The following EPHA4 variants were observed in gnomAD, a reference collection of about 807,000 sequenced individuals.
EPHA4 encodes EPH receptor A4.
EPHA4 carries 19 observed loss-of-function variants against 108.3 expected under a neutral mutation model. The ratio of observed to expected loss-of-function variants is 0.18; its 90% CI spans 0.12 to 0.26. The LOEUF (loss-of-function observed/expected upper bound fraction) is 0.26, where lower values mean the gene tolerates loss of function less well. Among genes scored for constraint, EPHA4 ranks in the 10% least tolerant of loss-of-function variants. EPHA4 has a pLI of 1.00. For missense variants in EPHA4, 917 were observed against 1,254.0 expected (o/e 0.73, Z 4.06); for synonymous variants, 449 against 455.5 (o/e 0.99, Z 0.18).
intron 1 of EPHA4, among the ~76,000 whole-genome samples, chr2:221,570,442 C>G (rs1476315122): frequency 1.3e-5 from 2 of 152,136 alleles, no homozygotes; most frequent in Non-Finnish European, 1.5e-5. Context: ...GCGGGATCCA[C>G]GATTCCTCTC....
chr2:221,456,430 C>T (rs1363645492), intron 7 of EPHA4, among the ~76,000 whole-genome samples, 183 bp downstream of exon 7: 1 of 152,276 alleles, frequency 6.6e-6, no homozygotes, highest in African/African-American at 2.4e-5. Flanking sequence ...ATGCTTTTCT[C>T]TAAATCACAT....
chr2:221,553,088 T>C (rs1694207380), intron 3 of EPHA4, among the ~76,000 whole-genome samples: 1 of 152,210 alleles, frequency 6.6e-6, no homozygotes, highest in Non-Finnish European at 1.5e-5. Flanking sequence ...AAAAGTATCT[T>C]TGTTTACTGC....
rs115093416 is a variant in EPHA4 at position 221,534,592 on chromosome 2, A to C, written c.823+29139T>G. 3.5e-3 allele frequency among the ~76,000 whole-genome samples: 538 copies of C among 152,318 alleles called. 3 individuals are homozygous for C. The highest frequency in any genetic ancestry group is 0.012 in the African/African-American group (514 of 41,570). ...ACCTTTTAGAAGAAAGAGAATAAGC[A>C]ACTTCCAGGCTGTGACTATCCCTGG... On this transcript the variant is annotated intron_variant, in intron 3 of 17. Transcript: ENST00000281821.
At chr2:221,564,681 C>G (rs1025762933) in intron 2 of EPHA4, among the ~76,000 whole-genome samples, 1 of 151,734 alleles carries the variant, frequency 6.6e-6, no homozygotes, top group Non-Finnish European at 1.5e-5. Flanking sequence ...GGTGGTCCAA[C>G]AACCTCAAAT....
intron 3 of EPHA4, among the ~76,000 whole-genome samples, chr2:221,531,063 C>T (rs1435121507): frequency 2.6e-5 from 4 of 152,108 alleles, no homozygotes; most frequent in Non-Finnish European, 4.4e-5. Flanking sequence ...AATCAGACTA[C>T]GGCTGCTTTA....
At chr2:221,546,827 G>T (rs1694011556) in intron 3 of EPHA4, among the ~76,000 whole-genome samples, 2 of 152,198 alleles carry the variant, frequency 1.3e-5, no homozygotes, top group African/African-American at 4.8e-5. Flanking sequence ...TGTTTCATAT[G>T]TGAAATACTT....
chr2:221,440,730 C>T (rs1368413304), intron 11 of EPHA4, among the ~76,000 whole-genome samples: 1 of 151,984 alleles, frequency 6.6e-6, no homozygotes, highest in Non-Finnish European at 1.5e-5. Context: ...GTGGTAACCA[C>T]TCTAAGTATT....
intron 15 of EPHA4, among the ~76,000 whole-genome samples, chr2:221,429,096 G>A (rs1689996995): frequency 6.6e-6 from 1 of 152,144 alleles, no homozygotes; most frequent in African/African-American, 2.4e-5. Context: ...TTGGAGATGA[G>A]TGAGTGTCTC....
At chr2:221,449,360 C>T (rs1410188624) in intron 8 of EPHA4, among the ~76,000 whole-genome samples, 1 of 152,174 alleles carries the variant, frequency 6.6e-6, no homozygotes, top group African/African-American at 2.4e-5. Context: ...TGAAGAAGTC[C>T]TAACTCAAAA....
At chr2:221,469,424 A>G (rs182044437) in intron 5 of EPHA4, among the ~76,000 whole-genome samples, 1 of 152,216 alleles carries the variant, frequency 6.6e-6, no homozygotes, top group African/African-American at 2.4e-5. Context: ...ATATGACCTC[A>G]GAGGAAACCA....
intron 5 of EPHA4, among the ~76,000 whole-genome samples, chr2:221,467,222 T>C (rs1329039913): frequency 2.0e-5 from 3 of 152,250 alleles, no homozygotes; most frequent in Non-Finnish European, 4.4e-5. Flanking sequence ...TCTGGAAGAC[T>C]GGCAATGTTC....
intron 3 of EPHA4, among the ~76,000 whole-genome samples, chr2:221,514,812 T>C (rs1158538655): frequency 1.3e-5 from 2 of 152,158 alleles, no homozygotes; most frequent in African/African-American, 2.4e-5. Flanking sequence ...GCTCCCAAAG[T>C]GTTTGGTCAT....
intron 17 of EPHA4, among the ~76,000 whole-genome samples, chr2:221,421,681 T>C (rs1416483430): frequency 6.6e-6 from 1 of 152,228 alleles, no homozygotes; most frequent in Non-Finnish European, 1.5e-5. Flanking sequence ...TTCCCTTCTT[T>C]CATTTATAAC....
At chr2:221,478,627 T>C (rs2106137763) in intron 5 of EPHA4, among the ~76,000 whole-genome samples, 1 of 152,302 alleles carries the variant, frequency 6.6e-6, no homozygotes, top group South Asian at 2.1e-4. Flanking sequence ...CTTCCCTTCA[T>C]TGTTTCTGGC....
intron 8 of EPHA4, among the ~76,000 whole-genome samples, chr2:221,450,858 A>T (rs957558730): frequency 6.6e-6 from 1 of 152,216 alleles, no homozygotes; most frequent in Non-Finnish European, 1.5e-5. Flanking sequence ...CCTTTAAGAA[A>T]TAGGGGCTAT....
At chr2:221,463,150 C>A (rs571849565) in intron 5 of EPHA4, among the ~76,000 whole-genome samples, 5 of 152,090 alleles carry the variant, frequency 3.3e-5, no homozygotes, top group African/African-American at 1.2e-4. Context: ...ATAGTGTGGG[C>A]GAGCAGCATT....
chr2:221,466,532 C>T (rs928168588), intron 5 of EPHA4, among the ~76,000 whole-genome samples: 6 of 152,130 alleles, frequency 3.9e-5, no homozygotes, highest in African/African-American at 1.4e-4. Flanking sequence ...TTGACCAAAG[C>T]CATAAAATGA....
At chr2:221,526,987 C>T (rs372367581) in intron 3 of EPHA4, among the ~76,000 whole-genome samples, 88 of 148,952 alleles carry the variant, frequency 5.9e-4, no homozygotes, top group African/African-American at 1.9e-3. Context: ...TTAAGCCGGG[C>T]GTGGTGGTAG....
intron 3 of EPHA4, 172 bp from the exon 4 acceptor site, chr2:221,501,344 C>T (rs1329729487): frequency 2.0e-5 from 11 of 545,134 alleles, no homozygotes; most frequent in South Asian, 3.4e-5. Context: ...TGAGTATAGT[C>T]GCTCTTTAAG....
Sources: allele counts gnomAD v4.1 joint callset (sites outside exome capture counted in the v4.1 genomes callset), GRCh38; gene constraint gnomAD v4.1.1; transcripts MANE v1.5; gene names NCBI Gene and HGNC (gene_info 2026-07-23, HGNC 2026-07-21).